AGFG1: variants seen among roughly 807,000 people sequenced by gnomAD.
The protein encoded by AGFG1 is ArfGAP with FG repeats 1.
AGFG1 carries 10 observed loss-of-function variants against 60.6 expected under a neutral mutation model. That is an observed-to-expected ratio of 0.16 (90% confidence interval 0.10 to 0.28). The LOEUF is 0.28. Among genes scored for constraint, AGFG1 ranks in the 10% least tolerant of loss-of-function variants. The pLI is 1.00. For synonymous variants in AGFG1, 247 were observed against 242.9 expected, an observed-to-expected ratio of 1.02 and a Z score of -0.16; for missense variants, 537 against 676.5, an observed-to-expected ratio of 0.79 and a Z score of 2.29.
At chr2:227,481,650 C>T (rs988837546) in intron 1 of AGFG1, among the ~76,000 whole-genome samples, 14 of 152,034 alleles carry the variant, frequency 9.2e-5, no homozygotes, top group African/African-American at 3.4e-4. Flanking sequence ...TTCTCTTGTT[C>T]TCTGACGCTC....
rs1692225842 is a variant in AGFG1 at position 227,533,693 on chromosome 2, G to A, written c.959G>A (p.Gly320Asp). 1 of 1,613,818 alleles carries A rather than the reference G, an allele frequency of 6.2e-7. No homozygotes were observed. The highest frequency in any genetic ancestry group is 2.2e-5 in the East Asian group (1 of 44,862). The change falls in exon 7 of 13, where the codon GGT becomes GAT. Residue 320 changes from glycine (G) to aspartate (D), a missense_variant. Transcript: ENST00000310078. Reference protein sequence around the residue: ...AVSKVSTNKAGLQTADKYAAL... With the variant: ...AVSKVSTNKADLQTADKYAAL... ...AGTAAAGTTTCAACGAACAAAGCTGGTTTACAGACTGCAGACAAATATGCA... is the reference window on the plus strand; with the variant it reads ...AGTAAAGTTTCAACGAACAAAGCTGATTTACAGACTGCAGACAAATATGCA...
At chr2:227,486,562 C>G (rs1464916405) in intron 1 of AGFG1, among the ~76,000 whole-genome samples, 2 of 151,944 alleles carry the variant, frequency 1.3e-5, no homozygotes, top group Non-Finnish European at 2.9e-5. Flanking sequence ...TTTCCTTAGT[C>G]TGTTTTCTAA....
intron 1 of AGFG1, among the ~76,000 whole-genome samples, chr2:227,482,513 T>C (rs899656816): frequency 2.6e-5 from 4 of 152,230 alleles, no homozygotes; most frequent in Non-Finnish European, 5.9e-5. Flanking sequence ...ATGAAACATA[T>C]GTAATATTTT....
intron 1 of AGFG1, 40 bp from the exon 2 acceptor site, chr2:227,491,507 G>A (rs779059490): frequency 1.6e-6 from 2 of 1,284,740 alleles, no homozygotes; most frequent in Non-Finnish European, 2.2e-6. Flanking sequence ...TAAAAATGTG[G>A]TATGTACTAG....
At chr2:227,502,355 C>G (rs1691184644) in intron 2 of AGFG1, among the ~76,000 whole-genome samples, 1 of 152,128 alleles carries the variant, frequency 6.6e-6, no homozygotes, top group South Asian at 2.1e-4. Flanking sequence ...GAGTCTCACT[C>G]TGTTGCCCAG....
chr2:227,491,030 G>A (rs893928509), intron 1 of AGFG1, among the ~76,000 whole-genome samples: 1 of 152,040 alleles, frequency 6.6e-6, no homozygotes, highest in African/African-American at 2.4e-5. Context: ...TGGCAAGATA[G>A]GACTTTACTA....
intron 1 of AGFG1, among the ~76,000 whole-genome samples, chr2:227,473,425 C>T (rs533169380): frequency 1.3e-5 from 2 of 152,262 alleles, no homozygotes; most frequent in East Asian, 3.9e-4. Context: ...CTGTATCTCG[C>T]TATCAATACC....
At chr2:227,492,180 C>G (rs948993888) in intron 2 of AGFG1, among the ~76,000 whole-genome samples, 1 of 151,840 alleles carries the variant, frequency 6.6e-6, no homozygotes, top group Admixed American at 6.6e-5. Context: ...TTTTTTTCTT[C>G]TTGCCTTTAA....
intron 3 of AGFG1, 50 bp from the exon 4 acceptor site, chr2:227,523,713 A>G (rs1003313523): frequency 1.9e-6 from 3 of 1,544,984 alleles, no homozygotes; most frequent in Middle Eastern, 1.7e-4. Flanking sequence ...ATTTTTTGAT[A>G]TAGAATTACC....
At chr2:227,538,457 G>A (rs149717229) in intron 10 of AGFG1, among the ~76,000 whole-genome samples, 1 of 152,184 alleles carries the variant, frequency 6.6e-6, no homozygotes. Context: ...TTCACAAGAT[G>A]CTATTGAGAT....
chr2:227,495,737 T>G (rs1690952603), intron 2 of AGFG1, among the ~76,000 whole-genome samples: 1 of 152,028 alleles, frequency 6.6e-6, no homozygotes, highest in Admixed American at 6.5e-5. Context: ...TAATTTTATT[T>G]TGAAATATGT....
chr2:227,547,582 C>T (rs11884136), intron 10 of AGFG1, among the ~76,000 whole-genome samples: 7,277 of 152,014 alleles, frequency 0.048, 271 homozygotes, highest in Middle Eastern at 0.12. Flanking sequence ...GCAAAGAACT[C>T]GTAACGACTA....
At chr2:227,488,154 A>C (rs1180775086) in intron 1 of AGFG1, among the ~76,000 whole-genome samples, 1 of 152,204 alleles carries the variant, frequency 6.6e-6, no homozygotes, top group Non-Finnish European at 1.5e-5. Context: ...ACTTGGAAAA[A>C]ATGTCCTTTC....
intron 10 of AGFG1, among the ~76,000 whole-genome samples, chr2:227,551,511 A>C (rs1319743330): frequency 1.3e-5 from 2 of 152,012 alleles, no homozygotes; most frequent in Non-Finnish European, 2.9e-5. Flanking sequence ...AGCGGTTTAA[A>C]ATTTTTTTTT....
intron 10 of AGFG1, among the ~76,000 whole-genome samples, chr2:227,538,971 C>T (rs530589692): frequency 2.7e-4 from 41 of 152,264 alleles, no homozygotes; most frequent in African/African-American, 8.7e-4. Context: ...GAATTTATCA[C>T]GTTGGTCACC....
At chr2:227,549,710 T>C (rs559179425) in intron 10 of AGFG1, among the ~76,000 whole-genome samples, 1 of 152,352 alleles carries the variant, frequency 6.6e-6, no homozygotes, top group East Asian at 1.9e-4. Context: ...TATGATCCTA[T>C]GAATAGCGTA....
At chr2:227,484,768 A>G (rs537957471) in intron 1 of AGFG1, among the ~76,000 whole-genome samples, 1 of 135,496 alleles carries the variant, frequency 7.4e-6, no homozygotes, top group East Asian at 2.2e-4. Context: ...CAGTGGTACG[A>G]TCTTGGCTCA....
intron 2 of AGFG1, among the ~76,000 whole-genome samples, chr2:227,499,880 G>C (rs749505544): frequency 6.6e-6 from 1 of 152,186 alleles, no homozygotes. Flanking sequence ...AGTGCCTTAT[G>C]GGACACGGAC....
chr2:227,538,772 G>C (rs1692389004), intron 10 of AGFG1, among the ~76,000 whole-genome samples: 1 of 152,028 alleles, frequency 6.6e-6, no homozygotes, highest in Admixed American at 6.6e-5. Context: ...ATTTTATTTA[G>C]AGTATGCAAG....
Sources: gnomAD v4.1 joint callset for allele counts (sites outside exome capture counted in the v4.1 genomes callset) on GRCh38, gnomAD v4.1.1 for gene constraint, MANE v1.5 for transcripts, NCBI Gene and HGNC (gene_info 2026-07-23, HGNC 2026-07-21) for gene names.